The following ARHGEF38 variants were observed in gnomAD, a reference collection of about 807,000 sequenced individuals.
ARHGEF38 encodes the protein Rho guanine nucleotide exchange factor 38.
Under a neutral mutation model 79.9 loss-of-function variants are expected in ARHGEF38, and 79 were observed. The observed-to-expected ratio is 0.99, with a 90% CI of 0.82 to 1.19. The LOEUF is 1.19. Ranked by LOEUF, ARHGEF38 falls within the 50% of genes most tolerant of loss-of-function variation. The pLI is 0.00. For missense variants in ARHGEF38, 962 were observed against 907.2 expected, an observed-to-expected ratio of 1.06 and a Z score of -0.78; for synonymous variants, 366 against 328.3, an observed-to-expected ratio of 1.11 and a Z score of -1.24.
At chr4:105,605,027 CA>C (rs1309001602) in intron 2 of ARHGEF38, among the ~76,000 whole-genome samples, 1 of 152,006 alleles carries the variant, frequency 6.6e-6, no homozygotes, top group Non-Finnish European at 1.5e-5. Context: ...CCCTCCAGCT[CA>C]AAAGACCTAT....
chr4:105,644,046 T>C (rs1365404015), intron 5 of ARHGEF38, among the ~76,000 whole-genome samples: 2 of 151,942 alleles, frequency 1.3e-5, no homozygotes, highest in African/African-American at 4.8e-5. Flanking sequence ...TTTGTATTTT[T>C]TTCTAGAGAC....
intron 5 of ARHGEF38, among the ~76,000 whole-genome samples, chr4:105,644,906 A>T (rs186200505): frequency 1.3e-5 from 2 of 152,344 alleles, no homozygotes; most frequent in East Asian, 3.9e-4. Flanking sequence ...AGCCAATTAT[A>T]AAAAACCTTG....
intron 1 of ARHGEF38, among the ~76,000 whole-genome samples, chr4:105,566,106 A>G (rs1299053666): frequency 6.6e-6 from 1 of 152,162 alleles, no homozygotes; most frequent in Non-Finnish European, 1.5e-5. Context: ...CATGTCCCTC[A>G]TTTATTAAAA....
rs1412998822 is a variant in ARHGEF38 at position 105,679,991 on chromosome 4, C to A, written c.*2054C>A. 56 of 1,241,908 alleles carry A rather than the reference C, an allele frequency of 4.5e-5. No homozygotes were observed. In the South Asian group the frequency reaches 6.7e-4, roughly 15 times the overall value. The allele number at this position is 1,241,908 out of a possible 1,614,324, so 76.9% of individuals were successfully genotyped here. ...GCAATGTCCCCATGTAAACACAGTG[C>A]ATTCTGTTTTGTGCGGATTCATGGC... On this transcript the variant is annotated 3_prime_UTR_variant, in exon 14 of 14. Transcript: ENST00000420470.
chr4:105,665,223 G>A (rs113003146), intron 10 of ARHGEF38, among the ~76,000 whole-genome samples: 1,590 of 151,920 alleles, frequency 0.01, 30 homozygotes, highest in African/African-American at 0.036. Flanking sequence ...GGCCAGGTGC[G>A]GTCACTTATG....
intron 3 of ARHGEF38, among the ~76,000 whole-genome samples, chr4:105,630,378 G>C (rs1181684628): frequency 6.6e-6 from 1 of 151,838 alleles, no homozygotes; most frequent in Non-Finnish European, 1.5e-5. Context: ...CTCCCGAGTA[G>C]CTGGGGCTAC....
chr4:105,680,062 C>G lies in ARHGEF38; in HGVS notation c.*2125C>G, dbSNP rs778998856. On this transcript the variant is annotated 3_prime_UTR_variant, in exon 14 of 14. Coordinates refer to ENST00000420470, the MANE Select transcript of ARHGEF38 (RefSeq NM_001242729.2). ...TCGTCTCACAGAAAATAATAGCCCTCCCTTCAGATCCACTGTAGACTTGAA... is the reference window on the plus strand; with the variant it reads ...TCGTCTCACAGAAAATAATAGCCCTGCCTTCAGATCCACTGTAGACTTGAA... 2 of 796,404 alleles carry G rather than the reference C, an allele frequency of 2.5e-6. No individual in the cohort carries two copies. Among genetic ancestry groups the G allele is most frequent in the East Asian group, 5.0e-5 (2 of 40,228 alleles). The allele number at this position is 796,404 out of a possible 1,614,324, so 49.3% of individuals were successfully genotyped here. A position where few individuals can be genotyped will look rare whatever the true frequency, so the allele number is the denominator to read the frequency against.
At chr4:105,663,342 T>C (rs1389210584) in intron 10 of ARHGEF38, among the ~76,000 whole-genome samples, 1 of 152,176 alleles carries the variant, frequency 6.6e-6, no homozygotes, top group Admixed American at 6.5e-5. Context: ...CAATTTACCA[T>C]TATAAGAATT....
At position 105,679,733 on chromosome 4, in the gene ARHGEF38, G is replaced by A. The variant is rs1731245620; in HGVS notation, c.*1796G>A. On this transcript the variant is annotated 3_prime_UTR_variant, in exon 14 of 14. Transcript: ENST00000420470. ...GTAATTTGTGTTTTTTGTTCCACAT[G>A]TCTTAGTTGACCTTTCTCTTGGTTG... 1.2e-6 allele frequency: 1 copy of A among 824,426 alleles called. No homozygotes were observed. 51.1% of individuals were successfully genotyped at this position (824,426 alleles called of 1,614,324 possible).
chr4:105,584,039 T>C (rs1161183221), intron 1 of ARHGEF38, among the ~76,000 whole-genome samples: 1 of 152,194 alleles, frequency 6.6e-6, no homozygotes, highest in Non-Finnish European at 1.5e-5. Flanking sequence ...AATAAATATT[T>C]TTATCTATTT....
chr4:105,669,622 A>C (rs953060923), intron 13 of ARHGEF38, among the ~76,000 whole-genome samples: 6 of 150,896 alleles, frequency 4.0e-5, no homozygotes, highest in African/African-American at 1.5e-4. Flanking sequence ...TCAATATCTT[A>C]TATTCATGTC....
At chr4:105,597,453 A>T (rs1727632018) in intron 2 of ARHGEF38, among the ~76,000 whole-genome samples, 1 of 152,070 alleles carries the variant, frequency 6.6e-6, no homozygotes, top group African/African-American at 2.4e-5. Flanking sequence ...GCAACCATGG[A>T]ATTCTCTCTC....
intron 1 of ARHGEF38, among the ~76,000 whole-genome samples, chr4:105,576,510 G>A (rs1726509678): frequency 6.7e-6 from 1 of 149,998 alleles, no homozygotes; most frequent in Admixed American, 6.6e-5. Context: ...GCTGATTTGT[G>A]TACATTGATT....
chr4:105,577,183 G>A (rs1726545913), intron 1 of ARHGEF38, among the ~76,000 whole-genome samples: 1 of 150,078 alleles, frequency 6.7e-6, no homozygotes, highest in Admixed American at 6.6e-5. Flanking sequence ...CATGTGCCGT[G>A]CTGGTGTGCT....
intron 3 of ARHGEF38, among the ~76,000 whole-genome samples, chr4:105,620,678 CTA>C (rs2110502632): frequency 6.6e-6 from 1 of 152,238 alleles, no homozygotes; most frequent in Admixed American, 6.5e-5. Context: ...ATTCATGGAT[CTA>C]ATATGGTGAC....
chr4:105,572,872 A>C (rs1263406885), intron 1 of ARHGEF38, among the ~76,000 whole-genome samples: 1 of 152,194 alleles, frequency 6.6e-6, no homozygotes, highest in Non-Finnish European at 1.5e-5. Context: ...TCCAATTCCA[A>C]TTTCTCCACA....
chr4:105,679,947 A>T lies in ARHGEF38; in HGVS notation c.*2010A>T, dbSNP rs1731253474. On this transcript the variant is annotated 3_prime_UTR_variant, in exon 14 of 14. Coordinates refer to ENST00000420470, the MANE Select transcript of ARHGEF38 (RefSeq NM_001242729.2). ...TTACCTCTCTGAAGCCTTTTAGTGT[A>T]ATTTCTCTTTGTGACTGTGCAATGT... 2.9e-6 allele frequency: 4 copies of T among 1,370,854 alleles called. No individual in the cohort carries two copies. The highest frequency in any genetic ancestry group is 4.2e-6 in the Non-Finnish European group (4 of 963,472). 84.9% of individuals were successfully genotyped at this position (1,370,854 alleles called of 1,614,324 possible).
chr4:105,557,904 A>C (rs1299989913), intron 1 of ARHGEF38, among the ~76,000 whole-genome samples: 1 of 152,136 alleles, frequency 6.6e-6, no homozygotes, highest in Non-Finnish European at 1.5e-5. Flanking sequence ...TTTTCTGGCC[A>C]GTGCATATTT....
chr4:105,645,492 G>C, intron 6 of ARHGEF38, 105 bp downstream of exon 6: 1 of 957,034 alleles, frequency 1.0e-6, no homozygotes, highest in Non-Finnish European at 1.5e-6. Flanking sequence ...GCAGTGAACT[G>C]ATCATTTGAA....
Sources: gnomAD v4.1 joint callset for allele counts (sites outside exome capture counted in the v4.1 genomes callset) on GRCh38, gnomAD v4.1.1 for gene constraint, MANE v1.5 for transcripts, NCBI Gene and HGNC (gene_info 2026-07-23, HGNC 2026-07-21) for gene names.